The following OTOA variants were observed in gnomAD, a reference collection of about 807,000 sequenced individuals.
The protein encoded by OTOA is cancer/testis antigen 108.
OTOA carries 70 observed loss-of-function variants against 110.8 expected under a neutral mutation model. That is an observed-to-expected ratio of 0.63 (90% CI 0.52 to 0.77). The LOEUF is 0.77. Among genes scored for constraint, OTOA ranks in the 30% least tolerant of loss-of-function variants. OTOA has a pLI of 0.00. For synonymous variants in OTOA, 373 were observed against 431.5 expected (o/e 0.86, Z 1.68); for missense variants, 917 against 1,075.8 (o/e 0.85, Z 2.06).
chr16:21,679,764 A>G (rs1966874647), intron 5 of OTOA, among the ~76,000 whole-genome samples: 1 of 152,116 alleles, frequency 6.6e-6, no homozygotes, highest in African/African-American at 2.4e-5. Flanking sequence ...AGCGCTTGGT[A>G]TAGAAACAAT....
At chr16:21,681,183 G>A (rs796384535) in intron 5 of OTOA, among the ~76,000 whole-genome samples, 6 of 152,256 alleles carry the variant, frequency 3.9e-5, no homozygotes, top group East Asian at 1.9e-4. Flanking sequence ...AGATTGTTAC[G>A]GGAATTAGAA....
intron 9 of OTOA, 45 bp downstream of exon 9, chr16:21,691,732 A>G (rs771599502): frequency 3.3e-6 from 5 of 1,500,546 alleles, no homozygotes; most frequent in East Asian, 2.3e-5. Context: ...GGGGAAGAAT[A>G]TCTTCAGAAG....
chr16:21,728,208 G>C (rs1469693948), intron 19 of OTOA, 33 bp from the exon 20 acceptor site: 8 of 1,613,414 alleles, frequency 5.0e-6, no homozygotes, highest in Non-Finnish European at 6.8e-6. Context: ...TGCTCTGTTG[G>C]AACTGCCCAT....
chr16:21,679,093 GCTT>G, intron 4 of OTOA, 27 bp downstream of exon 4: 1 of 1,613,582 alleles, frequency 6.2e-7, no homozygotes, highest in Non-Finnish European at 8.5e-7. Context: ...ATCTCCACTT[GCTT>G]CTTCTAAGAA....
intron 21 of OTOA, among the ~76,000 whole-genome samples, chr16:21,735,821 T>C (rs1228444835): frequency 6.6e-6 from 1 of 152,152 alleles, no homozygotes; most frequent in Non-Finnish European, 1.5e-5. Context: ...CTTGAGCTCC[T>C]GACCTCAAGT....
At chr16:21,711,879 T>C (rs572550014) in intron 13 of OTOA, among the ~76,000 whole-genome samples, 1 of 152,304 alleles carries the variant, frequency 6.6e-6, no homozygotes, top group East Asian at 1.9e-4. Flanking sequence ...CAAACATTTG[T>C]TTATTTTTGG....
intron 17 of OTOA, among the ~76,000 whole-genome samples, chr16:21,720,115 C>T (rs143503245): frequency 2.0e-5 from 3 of 152,128 alleles, no homozygotes; most frequent in East Asian, 3.9e-4. Flanking sequence ...ACCACCATGC[C>T]TGGCTAATTT....
At chr16:21,694,740 G>A (rs528175649) in intron 9 of OTOA, among the ~76,000 whole-genome samples, 1 of 152,304 alleles carries the variant, frequency 6.6e-6, no homozygotes, top group African/African-American at 2.4e-5. Context: ...GATGGGGCTG[G>A]AGGATGGGGA....
rs767255026 is a variant in OTOA at position 21,691,690 on chromosome 16, G to A, written c.739+3G>A. The A allele has an allele frequency of 2.5e-6, 4 of 1,611,942 alleles. No homozygotes were observed. In the African/African-American group the frequency reaches 4.0e-5, roughly 16 times the overall value. On this transcript the variant is annotated splice_donor_region_variant and intron_variant, in intron 9 of 28. Transcript: ENST00000646100. ...GCAGACATCCTCCAATGCCACTGGTGAGCCTGTACTTGGAGGTGGGGTCAC... is the reference window on the plus strand; with the variant it reads ...GCAGACATCCTCCAATGCCACTGGTAAGCCTGTACTTGGAGGTGGGGTCAC...
intron 1 of OTOA, among the ~76,000 whole-genome samples, chr16:21,674,755 A>G (rs1966853930): frequency 6.6e-6 from 1 of 151,144 alleles, no homozygotes; most frequent in Non-Finnish European, 1.5e-5. Flanking sequence ...TTTATTTGCT[A>G]TCTGTATATA....
chr16:21,679,076 C>A lies in OTOA; in HGVS notation c.151+10C>A. 6.2e-7 allele frequency: 1 copy of A among 1,613,778 alleles called. No homozygotes were observed. Among genetic ancestry groups the A allele is most frequent in the African/African-American group, 1.3e-5 (1 of 74,970 alleles). ...GGAAGCTATCTGAATGGTAATGTGCCCCCTTGATCTCCACTTGCTTCTTCT... is the reference window on the plus strand; with the variant it reads ...GGAAGCTATCTGAATGGTAATGTGCACCCTTGATCTCCACTTGCTTCTTCT... On this transcript the variant is annotated intron_variant, in intron 4 of 28. Transcript: ENST00000646100.
chr16:21,667,521 G>T (rs1966842949), intron 1 of OTOA, among the ~76,000 whole-genome samples: 1 of 151,986 alleles, frequency 6.6e-6, no homozygotes, highest in African/African-American at 2.4e-5. Context: ...GGGCGTAGTG[G>T]CGGGCGCCTG....
At chr16:21,725,137 A>G (rs1396422881) in intron 18 of OTOA, among the ~76,000 whole-genome samples, 1 of 152,134 alleles carries the variant, frequency 6.6e-6, no homozygotes, top group Non-Finnish European at 1.5e-5. Context: ...CTCTGCTAGA[A>G]TTAAGGACCA....
chr16:21,685,267 AG>A lies in OTOA; in HGVS notation c.306del (p.Gln102HisfsTer9), dbSNP rs745649295. 6.2e-7 allele frequency: 1 copy of A among 1,613,208 alleles called. No homozygotes were observed. Among genetic ancestry groups the A allele is most frequent in the East Asian group, 2.2e-5 (1 of 44,850 alleles). ...AACCACCTGGAGCAGCGTCTGCACC[AG>A]CCCCAGAAGCTGCTGGAGGACCTGA... ...VENHLEQRLH[Q>X]PQKLLEDLRK... On this transcript the variant is annotated frameshift_variant, in exon 7 of 29. Coordinates refer to ENST00000646100, the MANE Select transcript of OTOA (RefSeq NM_144672.4). LOFTEE classifies it high-confidence loss of function.
At chr16:21,713,561 G>A (rs1343240524) in intron 13 of OTOA, among the ~76,000 whole-genome samples, 2 of 152,172 alleles carry the variant, frequency 1.3e-5, no homozygotes, top group East Asian at 1.9e-4. Flanking sequence ...ATCCTCTGAA[G>A]TCAGTAGTGC....
chr16:21,680,450 G>A (rs186049233), intron 5 of OTOA, among the ~76,000 whole-genome samples: 2 of 152,248 alleles, frequency 1.3e-5, no homozygotes, highest in African/African-American at 4.8e-5. Context: ...GGAGGCTGAG[G>A]TTGTGATAAG....
chr16:21,692,433 T>C, intron 9 of OTOA, among the ~76,000 whole-genome samples: 1 of 151,850 alleles, frequency 6.6e-6, no homozygotes, highest in East Asian at 1.9e-4. Context: ...AGCAGGTAGG[T>C]CAGGATTTAT....
At chr16:21,728,159 C>G in intron 19 of OTOA, 82 bp from the exon 20 acceptor site, 1 of 1,558,518 alleles carries the variant, frequency 6.4e-7, no homozygotes, top group Non-Finnish European at 8.8e-7. Context: ...GCCACAGTGC[C>G]CACCCCACAG....
intron 27 of OTOA, among the ~76,000 whole-genome samples, chr16:21,756,213 G>C (rs1899981245): frequency 1.3e-5 from 2 of 151,384 alleles, no homozygotes; most frequent in South Asian, 4.2e-4. Context: ...CTTTGATCTG[G>C]AAGTGACTTC....
Sources: allele counts gnomAD v4.1 joint callset (sites outside exome capture counted in the v4.1 genomes callset), GRCh38; gene constraint gnomAD v4.1.1; transcripts MANE v1.5; gene names NCBI Gene and HGNC (gene_info 2026-07-23, HGNC 2026-07-21).